Variants in FNIP1 observed in about 807,000 individuals in gnomAD.
FNIP1 encodes the protein folliculin interacting protein 1.
In FNIP1, 40 loss-of-function variants were observed where a neutral mutation model predicts 124.5. That is an observed-to-expected ratio of 0.32 (90% confidence interval 0.25 to 0.42). FNIP1 has a LOEUF of 0.42. Among genes scored for constraint, FNIP1 ranks in the 10% least tolerant of loss-of-function variants. The probability of loss-of-function intolerance (pLI) is 1.00; values close to 1 mark genes in which losing one functional copy is unlikely to be tolerated. For missense variants in FNIP1, 1,176 were observed against 1,403.7 expected, an observed-to-expected ratio of 0.84 and a Z score of 2.59; for synonymous variants, 472 against 470.6, an observed-to-expected ratio of 1.00 and a Z score of -0.04.
rs1766778241 is a variant in FNIP1, at chr5:131,643,540, C to T, written c.*1145G>A. 6.6e-6 allele frequency: 1 copy of T among 152,562 alleles called. No homozygotes were observed. The highest frequency in any genetic ancestry group is 1.5e-5 in the Non-Finnish European group (1 of 68,016). 9.5% of individuals were successfully genotyped at this position (152,562 alleles called of 1,614,324 possible). The stretch of plus-strand genomic sequence containing the variant: ...TACATTACTTACAAGAGTTTGGTTC[C>T]ATATTAGCCTTTCTTACAAGCAACA... On this transcript the variant is annotated 3_prime_UTR_variant, in exon 18 of 18. Transcript: ENST00000510461.
chr5:131,739,671 G>A (rs1483570390), intron 2 of FNIP1, among the ~76,000 whole-genome samples: 1 of 151,956 alleles, frequency 6.6e-6, no homozygotes, highest in African/African-American at 2.4e-5. Flanking sequence ...ACGTTAGCCG[G>A]GCGTGGTGGC....
At chr5:131,714,652 C>G (rs139676017) in intron 6 of FNIP1, among the ~76,000 whole-genome samples, 2 of 152,314 alleles carry the variant, frequency 1.3e-5, no homozygotes, top group African/African-American at 4.8e-5. Flanking sequence ...GGTCTGTGTA[C>G]GTACCACTGC....
At chr5:131,662,733 A>ATTTTTT (rs34051607) in intron 15 of FNIP1, among the ~76,000 whole-genome samples, 47 of 76,958 alleles carry the variant, frequency 6.1e-4, no homozygotes, top group East Asian at 1.0e-3. Context: ...GATATTCTAG[A>ATTTTTT]TTTTTTTTTT....
At chr5:131,770,807 C>T (rs1349041999) in intron 1 of FNIP1, among the ~76,000 whole-genome samples, 2 of 152,074 alleles carry the variant, frequency 1.3e-5, no homozygotes, top group East Asian at 1.9e-4. Flanking sequence ...GTGATTATCA[C>T]GTGAAGAAAA....
At chr5:131,791,663 A>G (rs1012163704) in intron 1 of FNIP1, among the ~76,000 whole-genome samples, 1 of 152,196 alleles carries the variant, frequency 6.6e-6, no homozygotes, top group Non-Finnish European at 1.5e-5. Context: ...TAAGTGGGGG[A>G]GGGCTGTTAT....
intron 3 of FNIP1, among the ~76,000 whole-genome samples, chr5:131,719,766 C>T (rs557848108): frequency 6.6e-6 from 1 of 152,290 alleles, no homozygotes; most frequent in Non-Finnish European, 1.5e-5. Context: ...TTAACCACAT[C>T]TTATGCATAT....
At position 131,643,335 on chromosome 5, in the gene FNIP1, TTC is replaced by T. The variant is rs1481537949; in HGVS notation, c.*1348_*1349del. The T allele has an allele frequency of 3.3e-5, 5 of 152,770 alleles. No homozygotes were observed. Among genetic ancestry groups the T allele is most frequent in the Admixed American group, 3.3e-4 (5 of 15,282 alleles). 9.5% of individuals were successfully genotyped at this position (152,770 alleles called of 1,614,324 possible). A position where few individuals can be genotyped will look rare whatever the true frequency, so the allele number is the denominator to read the frequency against. On this transcript the variant is annotated 3_prime_UTR_variant, in exon 18 of 18. Transcript: ENST00000510461. Reference sequence around the variant, plus strand: ...TTAATAACTGAATAAACAAGTGGTTTTCTTTTTTTAATCAATGATGAAATTAT... The same window carrying T: ...TTAATAACTGAATAAACAAGTGGTTTTTTTTTTAATCAATGATGAAATTAT...
chr5:131,711,168 A>ATTGGTTT (rs1240332245), intron 6 of FNIP1, among the ~76,000 whole-genome samples: 1 of 152,232 alleles, frequency 6.6e-6, no homozygotes, highest in African/African-American at 2.4e-5. Flanking sequence ...CAAATTAAAA[A>ATTGGTTT]TTGGTTTTTC....
At chr5:131,753,802 A>G (rs143209669) in intron 1 of FNIP1, among the ~76,000 whole-genome samples, 112 of 152,154 alleles carry the variant, frequency 7.4e-4, no homozygotes, top group South Asian at 6.2e-3. Flanking sequence ...CATTATGGAC[A>G]TCTCATTAAA....
rs895287890 is a variant in FNIP1, at chr5:131,735,419, T to C, written c.220-4381A>G. Among the ~76,000 whole-genome samples, 4 of 150,318 alleles carry C rather than the reference T, an allele frequency of 2.7e-5. No individual in the cohort carries two copies. The East Asian group carries it at 5.9e-4, about 22-fold the overall frequency. ...GACATGTATAGATATGTAACAAACC[T>C]GCACATTGTGCACATGTACCCTAGA... is the stretch of plus-strand genomic sequence containing the variant. On this transcript the variant is annotated intron_variant, in intron 2 of 17. Coordinates refer to ENST00000510461, the MANE Select transcript of FNIP1 (RefSeq NM_133372.3).
chr5:131,659,774 T>C (rs1231924331), intron 15 of FNIP1, among the ~76,000 whole-genome samples: 1 of 152,188 alleles, frequency 6.6e-6, no homozygotes, highest in Admixed American at 6.5e-5. Context: ...CTTCTTGTGG[T>C]TGGCCTTGGA....
intron 16 of FNIP1, among the ~76,000 whole-genome samples, chr5:131,648,576 C>T (rs1392596824): frequency 6.6e-6 from 1 of 151,998 alleles, no homozygotes; most frequent in Non-Finnish European, 1.5e-5. Flanking sequence ...TTTCACAATG[C>T]TTTAGGCTGA....
intron 15 of FNIP1, among the ~76,000 whole-genome samples, chr5:131,665,798 C>G (rs1767584570): frequency 6.6e-6 from 1 of 151,682 alleles, no homozygotes. Context: ...ACTATGTTGG[C>G]CAGACTGGTC....
At chr5:131,678,915 A>G (rs920374088) in intron 12 of FNIP1, 114 bp downstream of exon 12, 1 of 706,600 alleles carries the variant, frequency 1.4e-6, no homozygotes, top group Non-Finnish European at 2.2e-6. Context: ...AATTCTGATT[A>G]TTAATTTTGA....
intron 1 of FNIP1, among the ~76,000 whole-genome samples, chr5:131,770,805 C>T (rs780991452): frequency 3.9e-5 from 6 of 152,138 alleles, no homozygotes; most frequent in Non-Finnish European, 8.8e-5. Flanking sequence ...AAGTGATTAT[C>T]ACGTGAAGAA....
chr5:131,742,183 G>A (rs1395550971), intron 2 of FNIP1, among the ~76,000 whole-genome samples: 3 of 152,098 alleles, frequency 2.0e-5, no homozygotes. Context: ...TGGTAAATAG[G>A]CCAGGCAAAG....
intron 11 of FNIP1, among the ~76,000 whole-genome samples, chr5:131,681,246 G>A (rs1457037993): frequency 6.6e-6 from 1 of 152,006 alleles, no homozygotes; most frequent in East Asian, 1.9e-4. Flanking sequence ...TGTGGGGGGC[G>A]GTGGTATTGA....
At chr5:131,785,059 CATAT>C (rs200162834) in intron 1 of FNIP1, among the ~76,000 whole-genome samples, 1 of 10,986 alleles carries the variant, frequency 9.1e-5, no homozygotes, top group East Asian at 8.1e-4. Context: ...CTATATATAT[CATAT>C]ATATGATATA....
intron 1 of FNIP1, among the ~76,000 whole-genome samples, chr5:131,754,600 G>T (rs1342233709): frequency 6.6e-6 from 1 of 152,298 alleles, no homozygotes; most frequent in South Asian, 2.1e-4. Flanking sequence ...TCTGGAAGAA[G>T]AAAACAGCAT....
Sources: gnomAD v4.1 joint callset for allele counts (sites outside exome capture counted in the v4.1 genomes callset) on GRCh38, gnomAD v4.1.1 for gene constraint, MANE v1.5 for transcripts, NCBI Gene and HGNC (gene_info 2026-07-23, HGNC 2026-07-21) for gene names.